Variants in NSMCE2 observed in about 807,000 individuals in gnomAD.
The protein encoded by NSMCE2 is E3 SUMO-protein ligase NSE2.
NSMCE2 carries 24 observed loss-of-function variants against 23.8 expected under a neutral mutation model. That is an observed-to-expected ratio of 1.01 (90% confidence interval 0.73 to 1.42). NSMCE2 has a LOEUF of 1.42. NSMCE2 is among the 40% of genes most tolerant of loss of function. The pLI, the probability that NSMCE2 is intolerant of heterozygous loss-of-function variation, is 0.00. For missense variants in NSMCE2, 284 were observed against 296.5 expected (o/e 0.96, Z 0.31); for synonymous variants, 92 against 94.1 (o/e 0.98, Z 0.13).
chr8:125,320,902 G>C (rs1357723182), intron 5 of NSMCE2, among the ~76,000 whole-genome samples: 2 of 152,230 alleles, frequency 1.3e-5, no homozygotes, highest in Non-Finnish European at 2.9e-5. Flanking sequence ...CAACTGCTCA[G>C]CTTCTGCGGA....
intron 5 of NSMCE2, among the ~76,000 whole-genome samples, chr8:125,335,824 C>T (rs1830049690): frequency 6.6e-6 from 1 of 152,184 alleles, no homozygotes; most frequent in African/African-American, 2.4e-5. Context: ...AAGAACTAGG[C>T]ATTGCTCAAC....
intron 5 of NSMCE2, among the ~76,000 whole-genome samples, chr8:125,223,590 C>G (rs946572564): frequency 1.3e-5 from 2 of 152,128 alleles, no homozygotes; most frequent in African/African-American, 4.8e-5. Context: ...TACATTCCCA[C>G]GAACAATGTA....
At position 125,313,445 on chromosome 8, in the gene NSMCE2, A is replaced by C. The variant is rs185610645; in HGVS notation, c.419-43774A>C. Among the ~76,000 whole-genome samples, 124 of 152,286 alleles carry C rather than the reference A, an allele frequency of 8.1e-4. 2 individuals carry two copies. Among genetic ancestry groups the C allele is most frequent in the South Asian group, 1.9e-3 (9 of 4,824 alleles). ...ATTCTAAAAATGGCACGTGGAAAACACTTTAAAGAAGGAAGGATCTGTATG... is the reference window on the plus strand; with the variant it reads ...ATTCTAAAAATGGCACGTGGAAAACCCTTTAAAGAAGGAAGGATCTGTATG... On this transcript the variant is annotated intron_variant, in intron 5 of 7. Coordinates refer to ENST00000287437, the MANE Select transcript of NSMCE2 (RefSeq NM_173685.4).
intron 5 of NSMCE2, among the ~76,000 whole-genome samples, chr8:125,258,734 G>A (rs1826549620): frequency 6.6e-6 from 1 of 152,198 alleles, no homozygotes. Flanking sequence ...ATGGAGAGAG[G>A]TGGGGGGGTT....
chr8:125,276,034 C>T (rs549279686), intron 5 of NSMCE2, among the ~76,000 whole-genome samples: 36 of 152,304 alleles, frequency 2.4e-4, no homozygotes, highest in South Asian at 1.2e-3. Context: ...GTCTGCCCCC[C>T]GCACTGGGTC....
At chr8:125,352,299 G>A (rs545426846) in intron 5 of NSMCE2, among the ~76,000 whole-genome samples, 1 of 152,170 alleles carries the variant, frequency 6.6e-6, no homozygotes, top group Admixed American at 6.5e-5. Context: ...CCAACATGGA[G>A]AAACCCCGTC....
chr8:125,124,322 G>A (rs1216021610), intron 3 of NSMCE2: 1 of 152,070 alleles, frequency 6.6e-6, no homozygotes, highest in African/African-American at 2.4e-5. Context: ...AAATGGAATT[G>A]TTTTCCTAAT....
intron 4 of NSMCE2, 129 bp downstream of exon 4, chr8:125,151,406 C>G (rs1198760829): frequency 2.0e-6 from 1 of 488,582 alleles, no homozygotes; most frequent in Non-Finnish European, 3.7e-6. Context: ...CTATTAAATT[C>G]CTCTAAATTT....
intron 5 of NSMCE2, among the ~76,000 whole-genome samples, chr8:125,261,759 CAA>C: frequency 6.8e-6 from 1 of 147,482 alleles, no homozygotes; most frequent in East Asian, 2.0e-4. Flanking sequence ...AAAAAAAAAA[CAA>C]AAACAAAACA....
intron 4 of NSMCE2, among the ~76,000 whole-genome samples, chr8:125,159,981 A>G (rs1257673894): frequency 6.6e-6 from 1 of 151,878 alleles, no homozygotes; most frequent in African/African-American, 2.4e-5. Context: ...AAAATTGTTC[A>G]GTTGGTGCCA....
chr8:125,105,053 G>T lies in NSMCE2; in HGVS notation c.157+2566G>T, dbSNP rs981489103. ...CTCCCTTGGATTCCTCCTCCCTTGC[G>T]CAGGGAGGAGGCCATTGCAAGACTT... On this transcript the variant is annotated intron_variant, in intron 3 of 7. Transcript: ENST00000287437. Among the ~76,000 whole-genome samples the T allele has an allele frequency of 1.7e-4, 26 of 152,254 alleles. No homozygotes were observed. The East Asian group carries it at 4.1e-3, about 24-fold the overall frequency.
chr8:125,128,110 C>G (rs1819598137), intron 3 of NSMCE2, among the ~76,000 whole-genome samples: 2 of 152,144 alleles, frequency 1.3e-5, no homozygotes, highest in Non-Finnish European at 2.9e-5. Flanking sequence ...GCTGGAGAGA[C>G]TTGGAGAGGG....
In NSMCE2 at chr8:125,182,172, C is replaced by A; in HGVS notation, c.334C>A (p.Gln112Lys). 1 of 1,605,322 alleles carries A rather than the reference C, an allele frequency of 6.2e-7. No homozygotes were observed. The highest frequency in any genetic ancestry group is 8.5e-7 in the Non-Finnish European group (1 of 1,175,124). ...GGTAGAGAAGAAATTTTTGGCTTTA[C>A]AGAGCAAGAATTCTGATGCAGACTT... The part of the protein sequence containing the change: ...LLVEKKFLAL[Q>K]SKNSDADFQN... Residue 112 changes from glutamine (Q) to lysine (K), a missense_variant, in exon 5 of 8, where the codon CAG becomes AAG. Physicochemically the swap from Gln to Lys is moderately conservative, Grantham distance 53. Coordinates refer to ENST00000287437, the MANE Select transcript of NSMCE2 (RefSeq NM_173685.4).
chr8:125,104,468 T>G (rs565477900), intron 3 of NSMCE2, among the ~76,000 whole-genome samples: 1 of 152,340 alleles, frequency 6.6e-6, no homozygotes, highest in African/African-American at 2.4e-5. Context: ...TCTCTCTTGA[T>G]TGCCCCGAGG....
chr8:125,234,896 T>C (rs1825477358), intron 5 of NSMCE2, among the ~76,000 whole-genome samples: 1 of 152,094 alleles, frequency 6.6e-6, no homozygotes, highest in Non-Finnish European at 1.5e-5. Context: ...GCCACCTCTG[T>C]CCTCTAATTT....
chr8:125,248,009 A>C (rs1826060149), intron 5 of NSMCE2, among the ~76,000 whole-genome samples: 1 of 152,242 alleles, frequency 6.6e-6, no homozygotes, highest in Admixed American at 6.5e-5. Context: ...TAGATTTTCA[A>C]ATCTGTAGAG....
intron 5 of NSMCE2, among the ~76,000 whole-genome samples, chr8:125,280,019 C>T (rs927184355): frequency 2.0e-5 from 3 of 152,068 alleles, no homozygotes; most frequent in East Asian, 1.9e-4. Context: ...ATAAATTCCT[C>T]GAGGGCAGGG....
At chr8:125,103,027 G>A (rs1818273346) in intron 3 of NSMCE2, among the ~76,000 whole-genome samples, 1 of 152,156 alleles carries the variant, frequency 6.6e-6, no homozygotes, top group African/African-American at 2.4e-5. Context: ...TAGCACTTTG[G>A]GAGGCCGAGG....
intron 1 of NSMCE2, among the ~76,000 whole-genome samples, chr8:125,092,559 G>C (rs941714264): frequency 6.6e-6 from 1 of 152,216 alleles, no homozygotes; most frequent in African/African-American, 2.4e-5. Flanking sequence ...GCATGTGATA[G>C]GGATAATGGT....
Sources: gnomAD v4.1 joint callset for allele counts (sites outside exome capture counted in the v4.1 genomes callset) on GRCh38, gnomAD v4.1.1 for gene constraint, MANE v1.5 for transcripts, NCBI Gene and HGNC (gene_info 2026-07-23, HGNC 2026-07-21) for gene names.